Variants in TULP4 observed in about 807,000 individuals in gnomAD.
TULP4 encodes the protein tubby-related protein 4.
A neutral mutation model predicts 129.0 loss-of-function variants in TULP4; 16 were observed. The observed-to-expected ratio is 0.12, with a 90% confidence interval of 0.08 to 0.19. TULP4 has a LOEUF of 0.19. Among genes scored for constraint, TULP4 ranks in the 10% least tolerant of loss-of-function variants. The pLI, the probability that TULP4 is intolerant of heterozygous loss-of-function variation, is 1.00. For missense variants in TULP4, 1,842 were observed against 2,059.1 expected (o/e 0.89, Z 2.04); for synonymous variants, 998 against 854.0 (o/e 1.17, Z -2.94).
intron 2 of TULP4, among the ~76,000 whole-genome samples, chr6:158,425,667 G>A (rs780891767): frequency 1.3e-5 from 2 of 151,818 alleles, no homozygotes; most frequent in Non-Finnish European, 1.5e-5. Flanking sequence ...TGGAGTGCAC[G>A]ATCTTGGCTC....
chr6:158,424,455 G>A (rs531425676), intron 2 of TULP4, among the ~76,000 whole-genome samples: 1 of 152,112 alleles, frequency 6.6e-6, no homozygotes, highest in South Asian at 2.1e-4. Flanking sequence ...TCACCATGTT[G>A]GACAGGCTGG....
chr6:158,419,917 G>A (rs1029309112), intron 2 of TULP4, among the ~76,000 whole-genome samples: 2 of 152,182 alleles, frequency 1.3e-5, no homozygotes, highest in African/African-American at 4.8e-5. Flanking sequence ...GATGATCTGA[G>A]CAACACAATT....
At chr6:158,374,164 A>G (rs1344846216) in intron 1 of TULP4, among the ~76,000 whole-genome samples, 1 of 152,112 alleles carries the variant, frequency 6.6e-6, no homozygotes, top group African/African-American at 2.4e-5. Flanking sequence ...TAGTGCCCCT[A>G]TAGCCCCAGC....
At chr6:158,471,591 G>A (rs1779683368) in intron 6 of TULP4, among the ~76,000 whole-genome samples, 1 of 152,222 alleles carries the variant, frequency 6.6e-6, no homozygotes, top group African/African-American at 2.4e-5. Flanking sequence ...TTTTGGAAGT[G>A]AAGTCATTCT....
At chr6:158,344,003 A>G (rs920095721) in intron 1 of TULP4, among the ~76,000 whole-genome samples, 1 of 152,328 alleles carries the variant, frequency 6.6e-6, no homozygotes, top group Non-Finnish European at 1.5e-5. Context: ...TTAACTGATG[A>G]CATTCCACCA....
At chr6:158,436,461 T>A (rs529764453) in intron 3 of TULP4, among the ~76,000 whole-genome samples, 32 of 152,320 alleles carry the variant, frequency 2.1e-4, no homozygotes, top group African/African-American at 7.5e-4. Context: ...AGAATGTAGG[T>A]AAAGTGAGTT....
chr6:158,443,314 A>G (rs532419803), intron 3 of TULP4, among the ~76,000 whole-genome samples: 1 of 151,738 alleles, frequency 6.6e-6, no homozygotes. Flanking sequence ...ATGGGGTTTC[A>G]CCATGTTGAC....
chr6:158,348,523 C>A (rs1269464509), intron 1 of TULP4, among the ~76,000 whole-genome samples: 3 of 152,204 alleles, frequency 2.0e-5, no homozygotes, highest in African/African-American at 7.2e-5. Context: ...CATCCCAAGG[C>A]AGAAGAACAT....
chr6:158,240,679 A>ACG (rs1777871521), intron 1 of TULP4, among the ~76,000 whole-genome samples: 1 of 74,100 alleles, frequency 1.3e-5, no homozygotes, highest in African/African-American at 3.9e-5. Flanking sequence ...CAGACGGGGC[A>ACG]GCTGGCCAGG....
chr6:158,345,392 A>G (rs1429038369), intron 1 of TULP4, among the ~76,000 whole-genome samples: 2 of 152,178 alleles, frequency 1.3e-5, no homozygotes, highest in South Asian at 2.1e-4. Flanking sequence ...TCAGACTACT[A>G]TTGGGGGAAC....
rs143188639 is a variant in TULP4, at chr6:158,484,659, G to T, written c.1486+3370G>T. ...GAGAAAGAGATCTCTCACCACGCAC[G>T]TGCACCAAGGAGAGGACATATGAGG... On this transcript the variant is annotated intron_variant, in intron 8 of 13. Coordinates refer to ENST00000367097, the MANE Select transcript of TULP4 (RefSeq NM_020245.5). Among the ~76,000 whole-genome samples, 253 of 152,288 alleles carry T rather than the reference G, an allele frequency of 1.7e-3. 2 individuals carry two copies. Among genetic ancestry groups the T allele is most frequent in the African/African-American group, 5.8e-3 (240 of 41,560 alleles).
intron 1 of TULP4, among the ~76,000 whole-genome samples, chr6:158,250,115 C>A (rs262815): frequency 0.034 from 5,196 of 151,826 alleles, 155 homozygotes; most frequent in Middle Eastern, 0.075. Context: ...GGATTAGAGA[C>A]ATGAGCCACC....
chr6:158,291,189 G>A (rs705931), intron 1 of TULP4, among the ~76,000 whole-genome samples: 9,772 of 152,150 alleles, frequency 0.064, 375 homozygotes, highest in East Asian at 0.093. Flanking sequence ...TTCCTTCTGA[G>A]ACATTTTCCT....
chr6:158,323,611 G>T (rs1317003724), intron 1 of TULP4, among the ~76,000 whole-genome samples: 4 of 152,166 alleles, frequency 2.6e-5, no homozygotes, highest in Admixed American at 2.6e-4. Flanking sequence ...ACTCCCGGAG[G>T]TGCATTGAAT....
At chr6:158,456,130 T>C (rs775449522) in intron 5 of TULP4, among the ~76,000 whole-genome samples, 26 of 152,188 alleles carry the variant, frequency 1.7e-4, no homozygotes, top group Non-Finnish European at 7.3e-5. Flanking sequence ...TAATAATTCT[T>C]AGGAACTGAA....
At position 158,313,419 on chromosome 6, in the gene TULP4, A is replaced by G. The variant is rs548519278; in HGVS notation, c.-598A>G. Reference sequence around the variant, plus strand: ...GTGTGCCTTTTTTTCCCTTTATGCAATCTTTTTCAGCTTTAGCAGCAGAAA... The same window carrying G: ...GTGTGCCTTTTTTTCCCTTTATGCAGTCTTTTTCAGCTTTAGCAGCAGAAA... On this transcript the variant is annotated 5_prime_UTR_variant, in exon 1 of 14. Coordinates refer to ENST00000367097, the MANE Select transcript of TULP4 (RefSeq NM_020245.5). 4.3e-5 allele frequency: 17 copies of G among 398,880 alleles called. No homozygotes were observed. Among genetic ancestry groups the G allele is most frequent in the East Asian group, 1.8e-4 (5 of 28,074 alleles). 24.7% of individuals were successfully genotyped at this position (398,880 alleles called of 1,614,324 possible).
intron 1 of TULP4, among the ~76,000 whole-genome samples, chr6:158,387,038 T>TG (rs1288881148): frequency 2.6e-5 from 4 of 151,626 alleles, no homozygotes; most frequent in South Asian, 2.1e-4. Context: ...ATGATAAAAT[T>TG]GGGGGGGAAA....
At chr6:158,299,760 T>C (rs1292105849) in intron 1 of TULP4, among the ~76,000 whole-genome samples, 2 of 152,030 alleles carry the variant, frequency 1.3e-5, no homozygotes, top group Non-Finnish European at 2.9e-5. Context: ...AGGTGAGAGA[T>C]TGAATAAGTG....
chr6:158,332,523 G>A (rs1779935476), intron 1 of TULP4, among the ~76,000 whole-genome samples: 1 of 152,102 alleles, frequency 6.6e-6, no homozygotes, highest in African/African-American at 2.4e-5. Context: ...GGCCCATGCA[G>A]GGGATGGGAT....
Sources: allele counts gnomAD v4.1 joint callset (sites outside exome capture counted in the v4.1 genomes callset), GRCh38; gene constraint gnomAD v4.1.1; transcripts MANE v1.5; gene names NCBI Gene and HGNC (gene_info 2026-07-23, HGNC 2026-07-21).